PIBF1: variants seen among roughly 807,000 people sequenced by gnomAD.
PIBF1 encodes progesterone-induced-blocking factor 1.
In PIBF1, 90 loss-of-function variants were observed where a neutral mutation model predicts 112.5. The ratio of observed to expected loss-of-function variants is 0.80; its 90% CI spans 0.67 to 0.95. PIBF1 has a LOEUF of 0.95. Ranked by LOEUF, PIBF1 falls within the 40% of genes least tolerant of loss-of-function variation. The probability of loss-of-function intolerance (pLI) is 0.00; values close to 1 mark genes in which losing one functional copy is unlikely to be tolerated. For synonymous variants in PIBF1, 301 were observed against 288.6 expected, an observed-to-expected ratio of 1.04 and a Z score of -0.44; for missense variants, 915 against 852.3, an observed-to-expected ratio of 1.07 and a Z score of -0.92.
At chr13:72,925,542 C>CTTTTTTTTT (rs59074858) in intron 13 of PIBF1, among the ~76,000 whole-genome samples, 39 of 102,030 alleles carry the variant, frequency 3.8e-4, no homozygotes, top group Non-Finnish European at 6.0e-4. Flanking sequence ...CTTTCTCTCT[C>CTTTTTTTTT]TTTTTTTTTT....
intron 10 of PIBF1, among the ~76,000 whole-genome samples, chr13:72,859,009 C>CT (rs1046268154): frequency 5.9e-5 from 9 of 152,046 alleles, no homozygotes; most frequent in Non-Finnish European, 1.2e-4. Context: ...AATTACTTGA[C>CT]TTTTTTTAAC....
At chr13:72,956,150 T>A (rs1166606258) in intron 14 of PIBF1, among the ~76,000 whole-genome samples, 1 of 152,170 alleles carries the variant, frequency 6.6e-6, no homozygotes, top group Non-Finnish European at 1.5e-5. Context: ...TGAATTCATG[T>A]TATTGAATAT....
At chr13:72,791,900 C>G (rs1350820605) in intron 2 of PIBF1, among the ~76,000 whole-genome samples, 1 of 152,042 alleles carries the variant, frequency 6.6e-6, no homozygotes, top group East Asian at 1.9e-4. Context: ...TCCCAAAGTG[C>G]TGGGATTACA....
intron 6 of PIBF1, among the ~76,000 whole-genome samples, chr13:72,822,558 C>T (rs2036603675): frequency 6.6e-6 from 1 of 152,050 alleles, no homozygotes; most frequent in African/African-American, 2.4e-5. Flanking sequence ...CGGATAACTG[C>T]ACTATATAAA....
intron 14 of PIBF1, among the ~76,000 whole-genome samples, chr13:72,948,577 A>G (rs958811288): frequency 6.6e-6 from 1 of 152,194 alleles, no homozygotes. Flanking sequence ...CACATTTTCA[A>G]GTATCTTCAC....
chr13:73,007,041 C>T (rs900701951), intron 17 of PIBF1, among the ~76,000 whole-genome samples: 5 of 150,466 alleles, frequency 3.3e-5, no homozygotes, highest in African/African-American at 4.9e-5. Flanking sequence ...AATATATATG[C>T]ATATATAGTT....
At chr13:72,973,144 T>A (rs1390893062) in intron 15 of PIBF1, among the ~76,000 whole-genome samples, 1 of 152,120 alleles carries the variant, frequency 6.6e-6, no homozygotes, top group East Asian at 1.9e-4. Context: ...CAGTGATGTA[T>A]GCCTGTAGTC....
intron 13 of PIBF1, among the ~76,000 whole-genome samples, chr13:72,918,301 C>T (rs1277473626): frequency 6.6e-6 from 1 of 151,908 alleles, no homozygotes; most frequent in East Asian, 1.9e-4. Flanking sequence ...CACAGCAGAG[C>T]ATTTCTCTTA....
intron 17 of PIBF1, among the ~76,000 whole-genome samples, chr13:73,002,983 C>CAAAAAAAAA (rs1161228077): frequency 7.0e-5 from 4 of 57,516 alleles, no homozygotes; most frequent in African/African-American, 1.5e-4. Context: ...ACTCTGGTCT[C>CAAAAAAAAA]AAAAAAAAAA....
chr13:72,973,592 A>G lies in PIBF1; in HGVS notation c.1966A>G (p.Asn656Asp). 6.6e-7 allele frequency: 1 copy of G among 1,524,536 alleles called. No individual in the cohort carries two copies. The highest frequency in any genetic ancestry group is 8.9e-7 in the Non-Finnish European group (1 of 1,127,214). The allele number at this position is 1,524,536 out of a possible 1,614,324, so 94.4% of individuals were successfully genotyped here. ...SIAQLEKDVS[N>D]LNKEKSALLQ... ...TAAAACTGGGGTTTTTTTTTTCAGC[A>G]ACTTAAATAAAGAAAAGTCAGCTTT... Residue 656 changes from asparagine (N) to aspartate (D), a missense_variant and splice_region_variant, in exon 16 of 18, where the codon AAC (asparagine) becomes GAC (aspartate). By Grantham distance (23) the Asn-to-Asp change is conservative. Transcript: ENST00000326291.
At chr13:72,790,909 A>G (rs1233447053) in intron 2 of PIBF1, among the ~76,000 whole-genome samples, 3 of 152,226 alleles carry the variant, frequency 2.0e-5, no homozygotes, top group African/African-American at 7.2e-5. Flanking sequence ...TGCTATAGCA[A>G]AGAGAATGAT....
chr13:72,911,787 A>G (rs772705498), intron 12 of PIBF1, among the ~76,000 whole-genome samples: 10 of 152,132 alleles, frequency 6.6e-5, no homozygotes, highest in Non-Finnish European at 1.3e-4. Context: ...AGATTAAACA[A>G]AAGAAAATGA....
intron 11 of PIBF1, among the ~76,000 whole-genome samples, chr13:72,903,616 C>G (rs1053884696): frequency 2.6e-5 from 4 of 152,132 alleles, no homozygotes; most frequent in Non-Finnish European, 4.4e-5. Flanking sequence ...TAAATTAAAT[C>G]TAAAATTAGC....
At chr13:72,933,699 C>T (rs1175425636) in intron 14 of PIBF1, among the ~76,000 whole-genome samples, 3 of 152,036 alleles carry the variant, frequency 2.0e-5, no homozygotes, top group African/African-American at 4.8e-5. Context: ...TGTGAACACA[C>T]GTCTATAAAT....
chr13:72,795,333 CT>C (rs754156393), intron 3 of PIBF1, 25 bp from the exon 4 acceptor site: 1 of 1,391,060 alleles, frequency 7.2e-7, no homozygotes, highest in South Asian at 1.3e-5. Context: ...TTTTTAAAGC[CT>C]GCCATAAATT....
rs1555333868 is a variant in PIBF1, at chr13:73,013,322, A to AAG, written c.2224-2546_2224-2545insGA. Among the ~76,000 whole-genome samples, 52 of 148,206 alleles carry AAG rather than the reference A, an allele frequency of 3.5e-4. 1 individual carries two copies. Among genetic ancestry groups the AAG allele is most frequent in the African/African-American group, 1.3e-3 (51 of 39,248 alleles). On this transcript the variant is annotated intron_variant, in intron 17 of 17. Coordinates refer to ENST00000326291, the MANE Select transcript of PIBF1 (RefSeq NM_006346.4). ...TCTCAAAAAAAAAAAAAAAAAAAAA[A>AAG]AAAAGAAAATATTAGAAGGAGATGG... is the stretch of plus-strand genomic sequence containing the variant.
At chr13:73,000,491 A>C (rs932390594) in intron 17 of PIBF1, among the ~76,000 whole-genome samples, 7 of 152,144 alleles carry the variant, frequency 4.6e-5, no homozygotes, top group Non-Finnish European at 8.8e-5. Flanking sequence ...GCTGCCGAGG[A>C]CTGTTTATTA....
At position 72,957,781 on chromosome 13, in the gene PIBF1, G is replaced by GA. The variant is rs922573171; in HGVS notation, c.1834-7484dup. Among the ~76,000 whole-genome samples the GA allele has an allele frequency of 1.0e-3, 155 of 150,162 alleles. 1 individual carries two copies. The highest frequency in any genetic ancestry group is 3.0e-3 in the African/African-American group (125 of 40,984). The stretch of plus-strand genomic sequence containing the variant: ...TAGCAAGACCCTATCTCTAAAAAAA[G>GA]AAAAAAAAACTACAAAACTTAGCTG... On this transcript the variant is annotated intron_variant, in intron 14 of 17. Coordinates refer to ENST00000326291, the MANE Select transcript of PIBF1 (RefSeq NM_006346.4).
intron 16 of PIBF1, among the ~76,000 whole-genome samples, chr13:72,982,410 T>G (rs934249688): frequency 1.3e-5 from 2 of 152,116 alleles, no homozygotes; most frequent in Non-Finnish European, 2.9e-5. Context: ...CAGTCCAGCC[T>G]GGGTAACAGA....
Sources: allele counts gnomAD v4.1 joint callset (sites outside exome capture counted in the v4.1 genomes callset), GRCh38; gene constraint gnomAD v4.1.1; transcripts MANE v1.5; gene names NCBI Gene and HGNC (gene_info 2026-07-23, HGNC 2026-07-21).